SOX5: variants seen among roughly 807,000 people sequenced by gnomAD.
The protein encoded by SOX5 is transcription factor SOX-5.
Under a neutral mutation model 92.0 loss-of-function variants are expected in SOX5, and 9 were observed. That is an observed-to-expected ratio of 0.10 (90% confidence interval 0.06 to 0.17). SOX5 has a LOEUF of 0.17. Ranked by LOEUF, SOX5 falls within the 10% of genes least tolerant of loss-of-function variation. The pLI is 1.00. For synonymous variants in SOX5, 344 were observed against 336.3 expected (o/e 1.02, Z -0.25); for missense variants, 642 against 944.5 (o/e 0.68, Z 4.20).
chr12:24,333,975 C>G (rs1178744226), intron 2 of SOX5, among the ~76,000 whole-genome samples: 1 of 150,940 alleles, frequency 6.6e-6, no homozygotes, highest in Non-Finnish European at 1.5e-5. Flanking sequence ...TAATAAAAAC[C>G]AATGGAATCA....
At chr12:23,784,900 G>A (rs189224991) in intron 3 of SOX5, among the ~76,000 whole-genome samples, 1 of 152,032 alleles carries the variant, frequency 6.6e-6, no homozygotes, top group Non-Finnish European at 1.5e-5. Flanking sequence ...AACATAGCAA[G>A]ATCTTTTCTC....
chr12:24,119,924 T>C (rs1319603053), intron 4 of SOX5, among the ~76,000 whole-genome samples: 7 of 152,190 alleles, frequency 4.6e-5, no homozygotes, highest in African/African-American at 1.4e-4. Flanking sequence ...AGTTATACAG[T>C]ATATAGTATT....
chr12:24,136,782 G>A (rs771147849), intron 4 of SOX5, among the ~76,000 whole-genome samples: 7 of 152,238 alleles, frequency 4.6e-5, no homozygotes, highest in South Asian at 2.1e-4. Context: ...CCCCTGCTTC[G>A]ACTCCAAAAG....
chr12:23,818,320 C>T (rs185793055), intron 3 of SOX5, among the ~76,000 whole-genome samples: 56 of 152,246 alleles, frequency 3.7e-4, no homozygotes, highest in Non-Finnish European at 6.8e-4. Flanking sequence ...TGTTACTGTG[C>T]TGAATACCGT....
intron 3 of SOX5, among the ~76,000 whole-genome samples, chr12:23,803,181 T>C (rs2095695259): frequency 6.6e-6 from 1 of 152,188 alleles, no homozygotes; most frequent in Non-Finnish European, 1.5e-5. Flanking sequence ...GATTCCTATG[T>C]CCTTTCTTGA....
chr12:24,163,494 A>C (rs1296371718), intron 4 of SOX5, among the ~76,000 whole-genome samples: 1 of 144,696 alleles, frequency 6.9e-6, no homozygotes, highest in Non-Finnish European at 1.5e-5. Flanking sequence ...GGGCCTTCTA[A>C]TTTTTAATTC....
Position 24,049,465 on chromosome 12 carries a change from G to A in SOX5, c.-1-153441C>T, listed in dbSNP as rs972338952. Among the ~76,000 whole-genome samples the A allele has an allele frequency of 5.3e-5, 8 of 152,258 alleles. No individual in the cohort carries two copies. The Middle Eastern group carries it at 0.014, about 259-fold the overall frequency. On this transcript the variant is annotated intron_variant, in intron 4 of 4. Coordinates refer to the SOX5 transcript ENST00000446891. ...AAGCATTATTTTAAAACAATTAAGA[G>A]AATTCCCTGCACATTCAGTTCTTCA...
chr12:24,188,286 A>G (rs1956204465), intron 4 of SOX5, among the ~76,000 whole-genome samples: 1 of 152,190 alleles, frequency 6.6e-6, no homozygotes, highest in South Asian at 2.1e-4. Context: ...ACAAGTGACA[A>G]AGAGCCCCCT....
At chr12:24,136,577 G>A (rs1327332118) in intron 4 of SOX5, among the ~76,000 whole-genome samples, 2 of 152,154 alleles carry the variant, frequency 1.3e-5, no homozygotes, top group African/African-American at 2.4e-5. Flanking sequence ...CTAAATTAAT[G>A]AGGGATGTGC....
intron 2 of SOX5, among the ~76,000 whole-genome samples, chr12:24,323,562 T>C (rs1271830966): frequency 6.6e-6 from 1 of 152,072 alleles, no homozygotes; most frequent in Non-Finnish European, 1.5e-5. Flanking sequence ...ACAGAGAATA[T>C]TCCAAGTAAT....
chr12:24,156,215 C>T (rs1006123777), intron 4 of SOX5, among the ~76,000 whole-genome samples: 3 of 152,104 alleles, frequency 2.0e-5, no homozygotes, highest in Non-Finnish European at 4.4e-5. Context: ...AGCCCAGTGC[C>T]CTTGCCTGAG....
intron 3 of SOX5, among the ~76,000 whole-genome samples, chr12:24,214,432 C>A (rs1393057193): frequency 6.6e-6 from 1 of 151,878 alleles, no homozygotes; most frequent in Non-Finnish European, 1.5e-5. Context: ...ATACATACAG[C>A]TATTTTATTA....
chr12:23,846,265 C>G lies in SOX5; in HGVS notation c.271-72G>C. ...GAGCAAAAGGACAAATAATTGTTTA[C>G]CTGAAAGAGAAAGCAAAAGGACAAA... On this transcript the variant is annotated intron_variant, in intron 2 of 14. Coordinates refer to ENST00000451604, the MANE Select transcript of SOX5 (RefSeq NM_006940.6). The G allele has an allele frequency of 2.5e-6, 3 of 1,202,482 alleles. No individual in the cohort carries two copies. The East Asian group carries it at 7.1e-5, about 29-fold the overall frequency. 74.5% of individuals were successfully genotyped at this position (1,202,482 alleles called of 1,614,324 possible).
chr12:23,997,543 G>A (rs1248535881), intron 4 of SOX5, among the ~76,000 whole-genome samples: 1 of 152,164 alleles, frequency 6.6e-6, no homozygotes, highest in Non-Finnish European at 1.5e-5. Flanking sequence ...TGGGAAGGCT[G>A]TAAACATCAG....
At chr12:24,119,501 G>A (rs560293744) in intron 4 of SOX5, among the ~76,000 whole-genome samples, 35 of 151,960 alleles carry the variant, frequency 2.3e-4, no homozygotes, top group Non-Finnish European at 4.0e-4. Context: ...TACCTTAAAC[G>A]TAATTATGTA....
In SOX5 at chr12:24,387,299, C is replaced by T. The variant is rs142390180; in HGVS notation, c.-250-18660G>A. 3.3e-3 allele frequency among the ~76,000 whole-genome samples: 506 copies of T among 152,320 alleles called. 1 individual carries two copies. Among genetic ancestry groups the T allele is most frequent in the African/African-American group, 0.011 (469 of 41,558 alleles). On this transcript the variant is annotated intron_variant, in intron 1 of 4. Transcript: ENST00000446891. ...AGCTTGTCCAACCCACAGCCCAGGA[C>T]GGCTTTGAATGTGGCCCAATACAAA...
intron 1 of SOX5, among the ~76,000 whole-genome samples, chr12:24,523,915 G>T (rs181507238): frequency 6.6e-6 from 1 of 152,196 alleles, no homozygotes; most frequent in South Asian, 2.1e-4. Flanking sequence ...AATAGCTTCC[G>T]TGCAGCATAA....
intron 1 of SOX5, among the ~76,000 whole-genome samples, chr12:24,383,839 G>A (rs939876633): frequency 3.9e-5 from 6 of 152,062 alleles, no homozygotes; most frequent in South Asian, 2.1e-4. Flanking sequence ...TTAGTGATAC[G>A]GTTTGGCTGT....
At chr12:24,016,925 T>C (rs1474106641) in intron 4 of SOX5, among the ~76,000 whole-genome samples, 1 of 152,196 alleles carries the variant, frequency 6.6e-6, no homozygotes, top group Non-Finnish European at 1.5e-5. Flanking sequence ...AAAACCACTT[T>C]ACTTTTCAGT....
Sources: gnomAD v4.1 joint callset for allele counts (sites outside exome capture counted in the v4.1 genomes callset) on GRCh38, gnomAD v4.1.1 for gene constraint, MANE v1.5 for transcripts, NCBI Gene and HGNC (gene_info 2026-07-23, HGNC 2026-07-21) for gene names.